PLPP3: variants seen among roughly 807,000 people sequenced by gnomAD.
PLPP3 encodes the protein phospholipid phosphatase 3, also known as PAP2 beta.
In PLPP3, 6 loss-of-function variants were observed where a neutral mutation model predicts 29.6. The observed-to-expected ratio is 0.20, with a 90% confidence interval of 0.11 to 0.40. PLPP3 has a LOEUF of 0.40. Among genes scored for constraint, PLPP3 ranks in the 10% least tolerant of loss-of-function variants. The pLI, the probability that PLPP3 is intolerant of heterozygous loss-of-function variation, is 1.00. For missense variants in PLPP3, 308 were observed against 407.7 expected (o/e 0.76, Z 2.11); for synonymous variants, 152 against 159.7 (o/e 0.95, Z 0.36).
chr1:56,505,756 A>C (rs1278389588), intron 5 of PLPP3, among the ~76,000 whole-genome samples: 19 of 152,234 alleles, frequency 1.2e-4, no homozygotes, highest in Non-Finnish European at 2.2e-4. Flanking sequence ...TGTTATCAGT[A>C]AGGCTTCCAA....
At chr1:56,498,792 C>T (rs780799587) in intron 5 of PLPP3, among the ~76,000 whole-genome samples, 14 of 152,042 alleles carry the variant, frequency 9.2e-5, no homozygotes, top group South Asian at 4.1e-4. Context: ...TGCCACTATG[C>T]CTGGCTAATT....
intron 1 of PLPP3, among the ~76,000 whole-genome samples, chr1:56,543,761 G>A (rs908299826): frequency 3.9e-5 from 6 of 152,170 alleles, no homozygotes; most frequent in Non-Finnish European, 5.9e-5. Context: ...GTGTGAACAC[G>A]CAATATTCTG....
chr1:56,498,753 C>G (rs1645646362), intron 5 of PLPP3, among the ~76,000 whole-genome samples: 1 of 152,062 alleles, frequency 6.6e-6, no homozygotes, highest in Non-Finnish European at 1.5e-5. Flanking sequence ...CCCGCCTCAG[C>G]CTCCTGAGTA....
intron 1 of PLPP3, among the ~76,000 whole-genome samples, chr1:56,567,632 C>T (rs1646170481): frequency 6.6e-6 from 1 of 151,992 alleles, no homozygotes; most frequent in Non-Finnish European, 1.5e-5. Context: ...CTCCTGACCT[C>T]GTGATCCACC....
At position 56,579,217 on chromosome 1, in the gene PLPP3, G is replaced by A. The variant is rs557063426; in HGVS notation, c.-201C>T. ...AGGTGGTGTTTTCTGCTCCTCCTGCGCGCCTCTGCTTTCCTCTGTCAACCC... is the reference window on the plus strand; with the variant it reads ...AGGTGGTGTTTTCTGCTCCTCCTGCACGCCTCTGCTTTCCTCTGTCAACCC... On this transcript the variant is annotated 5_prime_UTR_variant, in exon 1 of 6. Coordinates refer to ENST00000371250, the MANE Select transcript of PLPP3 (RefSeq NM_003713.5). The A allele has an allele frequency of 5.0e-6, 3 of 595,032 alleles. No homozygotes were observed. The Admixed American group carries it at 1.2e-4, about 23-fold the overall frequency. 36.9% of individuals were successfully genotyped at this position (595,032 alleles called of 1,614,324 possible). A position where few individuals can be genotyped will look rare whatever the true frequency, so the allele number is the denominator to read the frequency against.
At chr1:56,561,990 G>A (rs1167136442) in intron 1 of PLPP3, among the ~76,000 whole-genome samples, 1 of 119,032 alleles carries the variant, frequency 8.4e-6, no homozygotes, top group Admixed American at 1.2e-4. Context: ...AGCCAAGATC[G>A]TACCATTGTA....
At chr1:56,552,551 A>T (rs536791692) in intron 1 of PLPP3, among the ~76,000 whole-genome samples, 3 of 152,318 alleles carry the variant, frequency 2.0e-5, no homozygotes. Context: ...GGAGTGAGAA[A>T]TACTGAGATG....
At chr1:56,548,051 G>C (rs1038982990) in intron 1 of PLPP3, among the ~76,000 whole-genome samples, 2 of 152,140 alleles carry the variant, frequency 1.3e-5, no homozygotes, top group Non-Finnish European at 2.9e-5. Context: ...CAATCAACTG[G>C]CTTGACTGGT....
intron 1 of PLPP3, among the ~76,000 whole-genome samples, chr1:56,567,160 G>A (rs1646166302): frequency 6.6e-6 from 1 of 152,150 alleles, no homozygotes; most frequent in African/African-American, 2.4e-5. Flanking sequence ...CTCAGTGGGT[G>A]AGCGGGTCTA....
chr1:56,556,948 C>G (rs1162976725), intron 1 of PLPP3, among the ~76,000 whole-genome samples: 74 of 55,628 alleles, frequency 1.3e-3, no homozygotes, highest in African/African-American at 3.0e-3. Flanking sequence ...GAGAGAGAGA[C>G]AGAGAGAAAG....
intron 4 of PLPP3, among the ~76,000 whole-genome samples, chr1:56,518,715 T>TTATA (rs145573744): frequency 0.14 from 18,084 of 126,542 alleles, 2,338 homozygotes; most frequent in African/African-American, 0.26. Context: ...TTTTAATCAT[T>TTATA]TATATATATA....
intron 1 of PLPP3, among the ~76,000 whole-genome samples, chr1:56,556,952 GAGAA>G (rs1176222349): frequency 3.6e-5 from 2 of 55,420 alleles, no homozygotes; most frequent in African/African-American, 1.6e-4. Flanking sequence ...GAGAGACAGA[GAGAA>G]AGAAAGAAAG....
intron 2 of PLPP3, among the ~76,000 whole-genome samples, chr1:56,525,338 G>A (rs1199968230): frequency 6.6e-6 from 1 of 152,186 alleles, no homozygotes; most frequent in Non-Finnish European, 1.5e-5. Context: ...ATTTCCTCCA[G>A]TCAGCCTGTG....
intron 1 of PLPP3, among the ~76,000 whole-genome samples, chr1:56,570,091 G>A (rs1029282247): frequency 6.6e-6 from 1 of 152,166 alleles, no homozygotes; most frequent in African/African-American, 2.4e-5. Context: ...AAACCCTGGG[G>A]CCTGGCATAT....
intron 4 of PLPP3, 111 bp downstream of exon 4, chr1:56,523,712 T>C (rs1172271395): frequency 3.2e-6 from 4 of 1,231,350 alleles, no homozygotes; most frequent in Non-Finnish European, 3.5e-6. Flanking sequence ...TAACCTCTTT[T>C]TCAAGGATTT....
chr1:56,573,043 C>T (rs1034089730), intron 1 of PLPP3, among the ~76,000 whole-genome samples: 2 of 152,158 alleles, frequency 1.3e-5, no homozygotes, highest in South Asian at 4.1e-4. Flanking sequence ...CACTACTTTG[C>T]CAAGCTTATT....
intron 1 of PLPP3, among the ~76,000 whole-genome samples, chr1:56,542,933 T>C (rs1388799226): frequency 6.6e-6 from 1 of 151,706 alleles, no homozygotes; most frequent in Non-Finnish European, 1.5e-5. Context: ...AGAGGATAAC[T>C]TGAGCCCAGA....
At chr1:56,525,450 T>A (rs1645846582) in intron 2 of PLPP3, among the ~76,000 whole-genome samples, 1 of 152,194 alleles carries the variant, frequency 6.6e-6, no homozygotes, top group African/African-American at 2.4e-5. Context: ...CTGAAAATAA[T>A]CCACCAATTA....
At chr1:56,513,662 C>T (rs1645761194) in intron 4 of PLPP3, 1 of 152,036 alleles carries the variant, frequency 6.6e-6, no homozygotes, top group Non-Finnish European at 1.5e-5. Flanking sequence ...AGACAGCAGA[C>T]TACTTTATAA....
Sources: allele counts gnomAD v4.1 joint callset (sites outside exome capture counted in the v4.1 genomes callset), GRCh38; gene constraint gnomAD v4.1.1; transcripts MANE v1.5; gene names NCBI Gene and HGNC (gene_info 2026-07-23, HGNC 2026-07-21).